DTNB: variants seen among roughly 807,000 people sequenced by gnomAD.
DTNB encodes the protein dystrobrevin beta.
In DTNB, 63 loss-of-function variants were observed where a neutral mutation model predicts 90.7. The observed-to-expected ratio is 0.69, with a 90% CI of 0.57 to 0.86. The LOEUF (loss-of-function observed/expected upper bound fraction) is 0.86, where lower values mean the gene tolerates loss of function less well. Ranked by LOEUF, DTNB falls within the 40% of genes least tolerant of loss-of-function variation. DTNB has a pLI of 0.00. For missense variants in DTNB, 744 were observed against 807.1 expected (o/e 0.92, Z 0.95); for synonymous variants, 277 against 286.7 (o/e 0.97, Z 0.34).
At chr2:25,539,577 CT>C (rs376900916) in intron 8 of DTNB, among the ~76,000 whole-genome samples, 8,840 of 123,256 alleles carry the variant, frequency 0.072, 302 homozygotes, top group Non-Finnish European at 0.089. Flanking sequence ...ACTGGATTGC[CT>C]TTTTTTTTTT....
In DTNB at chr2:25,639,007, G is replaced by T; in HGVS notation, c.148+7C>A. 2 of 1,572,398 alleles carry T rather than the reference G, an allele frequency of 1.3e-6. No homozygotes were observed. Among genetic ancestry groups the T allele is most frequent in the South Asian group, 2.3e-5 (2 of 85,224 alleles). On this transcript the variant is annotated splice_region_variant and intron_variant, in intron 3 of 20. Transcript: ENST00000406818. The stretch of plus-strand genomic sequence containing the variant: ...AGCTATCACAGAAATGAGTAGAAAT[G>T]ACTCACGGTTGCATCGTTTTTGTAC...
At position 25,451,607 on chromosome 2, in the gene DTNB, C is replaced by T. The variant is rs917796713; in HGVS notation, c.1198G>A (p.Glu400Lys). ...TAGCGAGCTATAAGACGGTGTTCCT[C>T]ATCCAGTCGGCTAGGACTGTCCAGA... ...RVLDSPSRLD[E>K]EHRLIARYAA... The change falls in exon 12 of 21, where the codon GAG (glutamate) becomes AAG (lysine). Residue 400 changes from glutamate (E) to lysine (K), a missense_variant. Transcript: ENST00000406818. The T allele has an allele frequency of 1.9e-6, 3 of 1,605,542 alleles. No homozygotes were observed. The highest frequency in any genetic ancestry group is 2.6e-6 in the Non-Finnish European group (3 of 1,175,922).
At chr2:25,535,726 TGGCTGCCG>T (rs2079490692) in intron 8 of DTNB, among the ~76,000 whole-genome samples, 2 of 82,766 alleles carry the variant, frequency 2.4e-5, no homozygotes, top group East Asian at 4.0e-4. Context: ...CTAGACGGGG[TGGCTGCCG>T]GGCAGAGGCG....
intron 16 of DTNB, among the ~76,000 whole-genome samples, chr2:25,407,486 G>A (rs1183290565): frequency 6.6e-6 from 1 of 152,176 alleles, no homozygotes; most frequent in Non-Finnish European, 1.5e-5. Context: ...GTTTACTGCA[G>A]CCCAGTTCAC....
chr2:25,404,933 T>A lies in DTNB; in HGVS notation c.1575+14582A>T, dbSNP rs577573083. On this transcript the variant is annotated intron_variant, in intron 16 of 20. Transcript: ENST00000406818. The stretch of plus-strand genomic sequence containing the variant: ...AATCCAACTCGCCACCATTATTATT[T>A]TTTTTGTTTCTTATTTTTTGAGACA... 3.3e-5 allele frequency among the ~76,000 whole-genome samples: 5 copies of A among 152,198 alleles called. No individual in the cohort carries two copies. The South Asian group carries it at 8.3e-4, about 25-fold the overall frequency.
chr2:25,666,209 T>C (rs767942287), intron 1 of DTNB, among the ~76,000 whole-genome samples: 12 of 152,204 alleles, frequency 7.9e-5, no homozygotes, highest in Non-Finnish European at 1.6e-4. Context: ...AAGTAAATCA[T>C]ATACATCTGT....
At chr2:25,390,113 G>A (rs2040683441) in intron 16 of DTNB, among the ~76,000 whole-genome samples, 2 of 152,042 alleles carry the variant, frequency 1.3e-5, no homozygotes, top group African/African-American at 4.8e-5. Context: ...TAACCTATAT[G>A]TGCATGTATA....
intron 9 of DTNB, among the ~76,000 whole-genome samples, chr2:25,523,655 A>G (rs1300546377): frequency 4.6e-5 from 7 of 151,852 alleles, no homozygotes; most frequent in African/African-American, 1.7e-4. Flanking sequence ...AAAAAAAAAA[A>G]AAAGAACTGC....
rs550707545 is a variant in DTNB at position 25,448,831 on chromosome 2, G to T, written c.1257+2717C>A. Among the ~76,000 whole-genome samples, 9 of 148,426 alleles carry T rather than the reference G, an allele frequency of 6.1e-5. No individual in the cohort carries two copies. The South Asian group carries it at 1.3e-3, about 21-fold the overall frequency. On this transcript the variant is annotated intron_variant, in intron 12 of 20. Coordinates refer to ENST00000406818, the MANE Select transcript of DTNB (RefSeq NM_021907.5). ...ATCGTGCCACATTGCACTCCAACCT[G>T]GGCGACAGAGCAAGATTCCATCTCA...
At chr2:25,632,874 G>A (rs1202149605) in intron 3 of DTNB, among the ~76,000 whole-genome samples, 1 of 152,066 alleles carries the variant, frequency 6.6e-6, no homozygotes, top group Non-Finnish European at 1.5e-5. Flanking sequence ...TAAAATGAAA[G>A]GTTTTGCTCT....
intron 11 of DTNB, among the ~76,000 whole-genome samples, chr2:25,453,027 G>T (rs1043639649): frequency 6.6e-6 from 1 of 151,544 alleles, no homozygotes; most frequent in African/African-American, 2.4e-5. Context: ...TGAAATAAGA[G>T]AACTATCTTT....
chr2:25,512,715 T>C (rs908637516), intron 9 of DTNB, among the ~76,000 whole-genome samples: 9 of 152,154 alleles, frequency 5.9e-5, no homozygotes, highest in Admixed American at 1.3e-4. Context: ...CTCCAGGATA[T>C]AGAAAACCTG....
intron 12 of DTNB, among the ~76,000 whole-genome samples, chr2:25,448,965 T>C (rs1254240071): frequency 6.6e-6 from 1 of 152,158 alleles, no homozygotes. Flanking sequence ...GTCAGAAAGT[T>C]TCCTCGTCTC....
At chr2:25,606,332 G>A (rs12613835) in intron 5 of DTNB, among the ~76,000 whole-genome samples, 39,430 of 152,008 alleles carry the variant, frequency 0.26, 6,098 homozygotes, top group Non-Finnish European at 0.36. Context: ...CTACTCTGTG[G>A]CTACTGCTTT....
chr2:25,501,235 C>A (rs1383182496), intron 9 of DTNB, among the ~76,000 whole-genome samples: 4 of 149,818 alleles, frequency 2.7e-5, no homozygotes, highest in Admixed American at 6.6e-5. Context: ...TCTTTTGAAA[C>A]AGGGTCTCAC....
intron 8 of DTNB, among the ~76,000 whole-genome samples, chr2:25,551,856 G>C (rs1240050982): frequency 1.3e-5 from 2 of 152,010 alleles, no homozygotes; most frequent in Non-Finnish European, 2.9e-5. Context: ...TCTACACTTT[G>C]TTTTCTTTTA....
Position 25,455,460 on chromosome 2 carries a change from C to T in DTNB, c.1114G>A (p.Ala372Thr), listed in dbSNP as rs770319172. 1 of 1,607,648 alleles carries T rather than the reference C, an allele frequency of 6.2e-7. No homozygotes were observed. Among genetic ancestry groups the T allele is most frequent in the Non-Finnish European group, 8.5e-7 (1 of 1,177,200 alleles). The change falls in exon 11 of 21, where the codon GCC becomes ACC. Residue 372 changes from alanine to threonine, a missense_variant. Physicochemically the swap from Ala to Thr is moderately conservative, Grantham distance 58. Coordinates refer to ENST00000406818, the MANE Select transcript of DTNB (RefSeq NM_021907.5). ...QYSQDIPSHL[A>T]DEHALIASYV... Reference sequence around the variant, plus strand: ...GAGGCTATCAGCGCATGCTCATCGGCCAAGTGACTGGGTATATCCTGGCTA... The same window carrying T: ...GAGGCTATCAGCGCATGCTCATCGGTCAAGTGACTGGGTATATCCTGGCTA...
chr2:25,628,028 G>A (rs942953470), intron 4 of DTNB, 143 bp downstream of exon 4: 1 of 862,864 alleles, frequency 1.2e-6, no homozygotes, highest in Non-Finnish European at 1.8e-6. Context: ...GAGCTACCGT[G>A]CCCAGCCAAT....
At chr2:25,642,274 C>G (rs1436381991) in intron 2 of DTNB, among the ~76,000 whole-genome samples, 1 of 152,162 alleles carries the variant, frequency 6.6e-6, no homozygotes, top group Non-Finnish European at 1.5e-5. Flanking sequence ...ACTCCAATCA[C>G]AGTGAAGATC....
Sources: gnomAD v4.1 joint callset for allele counts (sites outside exome capture counted in the v4.1 genomes callset) on GRCh38, gnomAD v4.1.1 for gene constraint, MANE v1.5 for transcripts, NCBI Gene and HGNC (gene_info 2026-07-23, HGNC 2026-07-21) for gene names.